Variants in UHRF2 observed in about 807,000 individuals in gnomAD.
The protein encoded by UHRF2 is ubiquitin like with PHD and ring finger domains 2, also known as E3 ubiquitin-protein ligase UHRF2.
A neutral mutation model predicts 96.8 loss-of-function variants in UHRF2; 23 were observed. That is an observed-to-expected ratio of 0.24 (90% CI 0.17 to 0.34). The LOEUF is 0.34. Among genes scored for constraint, UHRF2 ranks in the 10% least tolerant of loss-of-function variants. The pLI is 1.00. For missense variants in UHRF2, 685 were observed against 981.5 expected (o/e 0.70, Z 4.04); for synonymous variants, 385 against 332.6 (o/e 1.16, Z -1.72).
In UHRF2 at chr9:6,451,004, T is replaced by C. The variant is rs138065649; in HGVS notation, c.645-9569T>C. 5.8e-4 allele frequency among the ~76,000 whole-genome samples: 89 copies of C among 152,328 alleles called. No homozygotes were observed. In the East Asian group the frequency reaches 0.016, roughly 28 times the overall value. On this transcript the variant is annotated intron_variant, in intron 3 of 15. Coordinates refer to ENST00000276893, the MANE Select transcript of UHRF2 (RefSeq NM_152896.3). Reference sequence around the variant, plus strand: ...CATGGGTGAATATTGATAGTTCCAATTAAATTTAGAGGAGGAAAGGGTTAC... The same window carrying C: ...CATGGGTGAATATTGATAGTTCCAACTAAATTTAGAGGAGGAAAGGGTTAC...
At chr9:6,444,836 A>G (rs1304984809) in intron 3 of UHRF2, among the ~76,000 whole-genome samples, 3 of 152,192 alleles carry the variant, frequency 2.0e-5, no homozygotes, top group Middle Eastern at 3.4e-3. Context: ...CCCTGACCTT[A>G]GGTGATTGAC....
At chr9:6,487,553 A>T (rs1824378793) in intron 9 of UHRF2, among the ~76,000 whole-genome samples, 4 of 152,030 alleles carry the variant, frequency 2.6e-5, no homozygotes, top group Admixed American at 2.6e-4. Context: ...TTTTAGTAGA[A>T]ATGGGGTTTC....
intron 8 of UHRF2, among the ~76,000 whole-genome samples, chr9:6,485,958 T>C (rs1824267437): frequency 6.6e-6 from 1 of 152,086 alleles, no homozygotes. Flanking sequence ...AAAGCCGTCA[T>C]CCATTGAAGT....
At chr9:6,469,503 C>T (rs1239168553) in intron 4 of UHRF2, among the ~76,000 whole-genome samples, 2 of 151,070 alleles carry the variant, frequency 1.3e-5, no homozygotes, top group African/African-American at 4.9e-5. Context: ...GGCGACAGAG[C>T]GAGACTCTGT....
chr9:6,472,176 T>C (rs1009678177), intron 4 of UHRF2, among the ~76,000 whole-genome samples: 7 of 152,192 alleles, frequency 4.6e-5, no homozygotes, highest in African/African-American at 9.7e-5. Context: ...CACCACTGAT[T>C]GGCCTTCTAT....
chr9:6,466,795 C>T lies in UHRF2; in HGVS notation c.863+6004C>T, dbSNP rs546263143. Among the ~76,000 whole-genome samples the T allele has an allele frequency of 2.0e-5, 3 of 152,332 alleles. No individual in the cohort carries two copies. In the South Asian group the frequency reaches 6.2e-4, roughly 32 times the overall value. ...CTTGATCACGCAAACATGCTCCTGC[C>T]TTGGGGCCTTTGTACTTGATGTTCC... On this transcript the variant is annotated intron_variant, in intron 4 of 15. Transcript: ENST00000276893.
intron 9 of UHRF2, among the ~76,000 whole-genome samples, chr9:6,487,879 ATAGAGTT>A (rs1438791164): frequency 5.3e-5 from 8 of 152,204 alleles, no homozygotes; most frequent in African/African-American, 1.9e-4. Context: ...TGTTAAATCT[ATAGAGTT>A]TATTTTTTAA....
At chr9:6,459,321 A>G (rs1441656229) in intron 3 of UHRF2, among the ~76,000 whole-genome samples, 3 of 152,242 alleles carry the variant, frequency 2.0e-5, no homozygotes, top group Non-Finnish European at 2.9e-5. Context: ...AAATGGCAGA[A>G]CTTGATGAAC....
intron 6 of UHRF2, among the ~76,000 whole-genome samples, chr9:6,479,984 T>C (rs553115073): frequency 1.3e-5 from 2 of 152,294 alleles, no homozygotes; most frequent in African/African-American, 4.8e-5. Flanking sequence ...AATTAGATCA[T>C]TCATCTGTTT....
At chr9:6,459,395 G>A (rs1192099841) in intron 3 of UHRF2, among the ~76,000 whole-genome samples, 1 of 152,210 alleles carries the variant, frequency 6.6e-6, no homozygotes, top group Non-Finnish European at 1.5e-5. Flanking sequence ...GGGGCCGGGT[G>A]CGGTGGCTCA....
At chr9:6,468,027 A>G (rs1297661457) in intron 4 of UHRF2, among the ~76,000 whole-genome samples, 2 of 152,160 alleles carry the variant, frequency 1.3e-5, no homozygotes, top group African/African-American at 4.8e-5. Context: ...TGTGTCTTAT[A>G]GTTGCTGATT....
At chr9:6,483,934 C>T (rs1824088277) in intron 8 of UHRF2, among the ~76,000 whole-genome samples, 1 of 152,324 alleles carries the variant, frequency 6.6e-6, no homozygotes, top group African/African-American at 2.4e-5. Flanking sequence ...GGTGATCTGC[C>T]TGTCTCAGCC....
intron 14 of UHRF2, 69 bp downstream of exon 14, chr9:6,500,778 T>C (rs1281631459): frequency 6.9e-7 from 1 of 1,451,340 alleles, no homozygotes; most frequent in East Asian, 2.4e-5. Context: ...TCTCATGAAG[T>C]CTGTTTTTCA....
At chr9:6,434,956 A>C (rs1820755022) in intron 3 of UHRF2, among the ~76,000 whole-genome samples, 1 of 150,194 alleles carries the variant, frequency 6.7e-6, no homozygotes, top group South Asian at 2.1e-4. Flanking sequence ...TTAGCCTCCC[A>C]AGTAGCTGAG....
At chr9:6,433,577 AT>A (rs1300059214) in intron 2 of UHRF2, among the ~76,000 whole-genome samples, 1 of 152,218 alleles carries the variant, frequency 6.6e-6, no homozygotes, top group Admixed American at 6.5e-5. Context: ...CTGGCTTTTC[AT>A]TAGTGTCATT....
intron 9 of UHRF2, among the ~76,000 whole-genome samples, chr9:6,489,707 C>A (rs1328835753): frequency 6.8e-6 from 1 of 147,686 alleles, no homozygotes; most frequent in Non-Finnish European, 1.5e-5. Context: ...GGTTTTTTGG[C>A]CATTTTCTAA....
In UHRF2 at chr9:6,497,499, T is replaced by C. The variant is rs149771552; in HGVS notation, c.1767+139T>C. 181 of 929,100 alleles carry C rather than the reference T, an allele frequency of 1.9e-4. No individual in the cohort carries two copies. The African/African-American group carries it at 2.7e-3, about 14-fold the overall frequency. 57.6% of individuals were successfully genotyped at this position (929,100 alleles called of 1,614,324 possible). A position where few individuals can be genotyped will look rare whatever the true frequency, so the allele number is the denominator to read the frequency against. The stretch of plus-strand genomic sequence containing the variant: ...CTACTTTTTCTGGAAATTGAACAGA[T>C]GCATAAAGCAAACTCTTAACTTCAG... On this transcript the variant is annotated intron_variant, in intron 11 of 15. Transcript: ENST00000276893.
intron 3 of UHRF2, among the ~76,000 whole-genome samples, chr9:6,457,619 T>C (rs920595661): frequency 2.0e-4 from 30 of 152,228 alleles, no homozygotes; most frequent in Admixed American, 2.6e-4. Context: ...TTTTTGCCCA[T>C]TCAGTATGAT....
At chr9:6,459,243 T>C (rs1356342706) in intron 3 of UHRF2, among the ~76,000 whole-genome samples, 1 of 152,172 alleles carries the variant, frequency 6.6e-6, no homozygotes, top group Non-Finnish European at 1.5e-5. Flanking sequence ...CTGGAATCTT[T>C]CCTTTCTCTT....
Sources: gnomAD v4.1 joint callset for allele counts (sites outside exome capture counted in the v4.1 genomes callset) on GRCh38, gnomAD v4.1.1 for gene constraint, MANE v1.5 for transcripts, NCBI Gene and HGNC (gene_info 2026-07-23, HGNC 2026-07-21) for gene names.